Variants in ZFHX2 observed in about 807,000 individuals in gnomAD.
The protein encoded by ZFHX2 is zinc finger homeobox protein 2.
In ZFHX2, 75 loss-of-function variants were observed where a neutral mutation model predicts 164.8. That is an observed-to-expected ratio of 0.46 (90% CI 0.38 to 0.55). The LOEUF is 0.55. ZFHX2 is among the 20% of genes least tolerant of loss of function. ZFHX2 has a pLI of 0.00. For missense variants in ZFHX2, 2,933 were observed against 3,308.0 expected (o/e 0.89, Z 2.78); for synonymous variants, 1,217 against 1,351.4 (o/e 0.90, Z 2.18).
intron 1 of ZFHX2, among the ~76,000 whole-genome samples, chr14:23,550,867 C>T (rs549127395): frequency 1.3e-5 from 2 of 152,214 alleles, no homozygotes; most frequent in East Asian, 3.9e-4. Flanking sequence ...ATCAGCCCGC[C>T]GGCCGCGGTT....
rs1239266123 is a variant in ZFHX2, at chr14:23,523,183, C to T, written c.6739+20G>A. 5 of 1,413,208 alleles carry T rather than the reference C, an allele frequency of 3.5e-6. No homozygotes were observed. The African/African-American group carries it at 4.3e-5, about 12-fold the overall frequency. 87.5% of individuals were successfully genotyped at this position (1,413,208 alleles called of 1,614,324 possible). ...GGGGATGTTCTCTGAAGTCCAGCTC[C>T]TCCCAGCCTCCCTACTCACCTGAAT... On this transcript the variant is annotated intron_variant, in intron 9 of 9. Transcript: ENST00000419474. The surrounding 1 kb of genome is among the most constrained non-coding windows in gnomAD (Gnocchi z 4.1).
At chr14:23,538,394 A>G (rs964352247) in intron 1 of ZFHX2, among the ~76,000 whole-genome samples, 1 of 148,152 alleles carries the variant, frequency 6.7e-6, no homozygotes, top group African/African-American at 2.5e-5. Context: ...CTTTAGCTGC[A>G]GCGATTATTT....
chr14:23,526,805 C>T (rs529554304), intron 8 of ZFHX2, 42 bp downstream of exon 8: 1 of 1,523,388 alleles, frequency 6.6e-7, no homozygotes, highest in East Asian at 2.5e-5. Context: ...CATGGAGTCC[C>T]CTTTCCTGGT....
chr14:23,521,698 T>C lies in ZFHX2; in HGVS notation c.*264A>G, dbSNP rs1878015392. ...AATAATCAGGGTGCCAAGATGGGTG[T>C]ATGTGTCTGTGAAGATGGGCAAGGG... is the stretch of plus-strand genomic sequence containing the variant. On this transcript the variant is annotated 3_prime_UTR_variant, in exon 10 of 10. Transcript: ENST00000419474. The C allele has an allele frequency of 2.0e-6, 1 of 500,378 alleles. No homozygotes were observed. Among genetic ancestry groups the C allele is most frequent in the African/African-American group, 2.0e-5 (1 of 51,258 alleles). 31.0% of individuals were successfully genotyped at this position (500,378 alleles called of 1,614,324 possible).
At chr14:23,538,419 C>T (rs1378852715) in intron 1 of ZFHX2, among the ~76,000 whole-genome samples, 1 of 151,250 alleles carries the variant, frequency 6.6e-6, no homozygotes, top group Non-Finnish European at 1.5e-5. Context: ...GCTTTTTTTC[C>T]CCTCATTGCA....
chr14:23,539,130 T>C (rs1880514296), intron 1 of ZFHX2, among the ~76,000 whole-genome samples: 1 of 152,102 alleles, frequency 6.6e-6, no homozygotes, highest in Non-Finnish European at 1.5e-5. Context: ...CCTCCCCTAA[T>C]GCACTGTTTC....
At position 23,522,806 on chromosome 14, in the gene ZFHX2, C is replaced by T; in HGVS notation, c.6875G>A (p.Gly2292Asp). 1 of 1,536,048 alleles carries T rather than the reference C, an allele frequency of 6.5e-7. No homozygotes were observed. Among genetic ancestry groups the T allele is most frequent in the Non-Finnish European group, 8.7e-7 (1 of 1,146,734 alleles). The change falls in exon 10 of 10, where the codon GGC (glycine) becomes GAC (aspartate). Residue 2292 changes from glycine to aspartate, a missense_variant. Gly to Asp is a moderately conservative substitution (Grantham distance 94). Coordinates refer to ENST00000419474, the MANE Select transcript of ZFHX2 (RefSeq NM_033400.3). ...AGGGCCTGGGACAGGGTCAGTGGTG[C>T]CTGCTGTGGAGGTGTTGGTTTGGTC... ...MPDQTNTSTA[G>D]TTDPVPGPPT...
At position 23,533,118 on chromosome 14, in the gene ZFHX2, A is replaced by G. The variant is rs1474081039; in HGVS notation, c.2042-34T>C. The G allele has an allele frequency of 2.0e-6, 3 of 1,484,400 alleles. No homozygotes were observed. In the Admixed American group the frequency reaches 6.5e-5, roughly 32 times the overall value. 92.0% of individuals were successfully genotyped at this position (1,484,400 alleles called of 1,614,324 possible). A position where few individuals can be genotyped will look rare whatever the true frequency, so the allele number is the denominator to read the frequency against. On this transcript the variant is annotated intron_variant, in intron 2 of 9. Coordinates refer to ENST00000419474, the MANE Select transcript of ZFHX2 (RefSeq NM_033400.3). The surrounding 1 kb of genome is among the most constrained non-coding windows in gnomAD (Gnocchi z 4.8). ...CAGAGACAGATTAGTGGCCCAAGAA[A>G]GAAATGGGGCACGGTTGGTTCTCTA...
rs1878565825 is a variant in ZFHX2, at chr14:23,525,341, G to A, written c.4601C>T (p.Pro1534Leu). The A allele has an allele frequency of 6.5e-7, 1 of 1,536,016 alleles. No individual in the cohort carries two copies. The highest frequency in any genetic ancestry group is 8.7e-7 in the Non-Finnish European group (1 of 1,146,922). ...ATCCAGAGACCCATCAGGAGGTTTG[G>A]GAGGCTCTGCAAGGGGCGGGTATAG... is the stretch of plus-strand genomic sequence containing the variant. ...DSLYPPLAEP[P>L]KPPDGSLDSP... Residue 1534 changes from proline (P) to leucine (L), a missense_variant, in exon 9 of 10, where the codon CCC becomes CTC. Pro to Leu is a moderately conservative substitution (Grantham distance 98, BLOSUM62 -3). Transcript: ENST00000419474. The surrounding 1 kb of genome is among the most constrained non-coding windows in gnomAD (Gnocchi z 5.9).
At chr14:23,547,788 C>A (rs962613243) in intron 1 of ZFHX2, among the ~76,000 whole-genome samples, 1 of 152,166 alleles carries the variant, frequency 6.6e-6, no homozygotes, top group Non-Finnish European at 1.5e-5. Context: ...ACTAATTCAA[C>A]GTTTGATCAG....
chr14:23,521,874 G>T lies in ZFHX2; in HGVS notation c.*88C>A. 4 of 1,505,462 alleles carry T rather than the reference G, an allele frequency of 2.7e-6. No homozygotes were observed. Among genetic ancestry groups the T allele is most frequent in the Non-Finnish European group, 2.6e-6 (3 of 1,132,520 alleles). The allele number at this position is 1,505,462 out of a possible 1,614,324, so 93.3% of individuals were successfully genotyped here. A position where few individuals can be genotyped will look rare whatever the true frequency, so the allele number is the denominator to read the frequency against. On this transcript the variant is annotated 3_prime_UTR_variant, in exon 10 of 10. Coordinates refer to ENST00000419474, the MANE Select transcript of ZFHX2 (RefSeq NM_033400.3). ...GAGGTGGGCGGGGCCAGGGGGTGGG[G>T]TGAGGGATTTGAGCTCCCACCGAAC...
In ZFHX2 at chr14:23,534,080, G is replaced by A. The variant is rs753698595; in HGVS notation, c.1246C>T (p.Pro416Ser). ...TCATCAGCTAGGCGATAGGGCTGGG[G>A]TGGGTCACTGGGGTCTTCGGGGGAG... is the stretch of plus-strand genomic sequence containing the variant. ...VGSPEDPSDPPQPYRLADDYT... is the reference protein window; with the variant it reads ...VGSPEDPSDPSQPYRLADDYT... The change falls in exon 2 of 10, where the codon CCC becomes TCC. Residue 416 changes from proline to serine, a missense_variant. By Grantham distance (74) the Pro-to-Ser change is moderately conservative. Transcript: ENST00000419474. This position sits in a 1 kb window ranked among gnomAD's most constrained non-coding sequence, Gnocchi z 4.5. The A allele has an allele frequency of 1.3e-6, 2 of 1,516,038 alleles. No homozygotes were observed. Among genetic ancestry groups the A allele is most frequent in the Non-Finnish European group, 1.8e-6 (2 of 1,135,470 alleles). 93.9% of individuals were successfully genotyped at this position (1,516,038 alleles called of 1,614,324 possible).
Position 23,521,779 on chromosome 14 carries a change from G to A in ZFHX2, c.*183C>T. On this transcript the variant is annotated 3_prime_UTR_variant, in exon 10 of 10. Coordinates refer to ENST00000419474, the MANE Select transcript of ZFHX2 (RefSeq NM_033400.3). ...CAATGTGTGTGTCTGTGGGGATTGG[G>A]AGGAGGCAGGACTCTGCTGGAAGTG... The A allele has an allele frequency of 9.4e-7, 1 of 1,068,592 alleles. No homozygotes were observed. The highest frequency in any genetic ancestry group is 1.7e-5 in the South Asian group (1 of 58,730). The allele number at this position is 1,068,592 out of a possible 1,614,324, so 66.2% of individuals were successfully genotyped here.
rs1878613557 is a variant in ZFHX2 at position 23,525,723 on chromosome 14, C to T, written c.4219G>A (p.Glu1407Lys). Residue 1407 changes from glutamate (E) to lysine (K), a missense_variant, in exon 9 of 10, where the codon GAG (glutamate) becomes AAG (lysine). Physicochemically the swap from Glu to Lys is moderately conservative, Grantham distance 56. Coordinates refer to ENST00000419474, the MANE Select transcript of ZFHX2 (RefSeq NM_033400.3). This position sits in a 1 kb window ranked among gnomAD's most constrained non-coding sequence, Gnocchi z 5.9. ...ATGGGGGGCCGCTCCCACTCCCGCT[C>T]AGCCAGCTCAGCCTTGGGAGGTTGG... is the stretch of plus-strand genomic sequence containing the variant. The part of the protein sequence containing the change: ...PPQPPKAELA[E>K]REWERPPMAK... The T allele has an allele frequency of 4.0e-6, 6 of 1,515,316 alleles. No individual in the cohort carries two copies. The highest frequency in any genetic ancestry group is 5.3e-6 in the Non-Finnish European group (6 of 1,135,608). 93.9% of individuals were successfully genotyped at this position (1,515,316 alleles called of 1,614,324 possible).
rs745418457 is a variant in ZFHX2 at position 23,524,913 on chromosome 14, C to A, written c.5029G>T (p.Ala1677Ser). Residue 1677 changes from alanine (A) to serine (S), a missense_variant, in exon 9 of 10, where the codon GCC (alanine) becomes TCC (serine). Physicochemically the swap from Ala to Ser is moderately conservative, Grantham distance 99. Transcript: ENST00000419474. The surrounding 1 kb of genome is among the most constrained non-coding windows in gnomAD (Gnocchi z 5.6). ...GGASGCRRCH[A>S]TFSCVFELVR... ...AACTCAAAAACACAGGAGAAAGTGGCGTGGCAACGCCTGCAGCCGGAGGCT... is the reference window on the plus strand; with the variant it reads ...AACTCAAAAACACAGGAGAAAGTGGAGTGGCAACGCCTGCAGCCGGAGGCT... 2 of 1,536,164 alleles carry A rather than the reference C, an allele frequency of 1.3e-6. No homozygotes were observed. Among genetic ancestry groups the A allele is most frequent in the Admixed American group, 2.0e-5 (1 of 50,982 alleles).
chr14:23,530,101 G>T lies in ZFHX2; in HGVS notation c.2875+19C>A. ...TCTCAGAAGGTAGGAGGACTGGGGG[G>T]AAGGGAGGGAAAACTCACCCAATTG... On this transcript the variant is annotated intron_variant, in intron 5 of 9. Coordinates refer to ENST00000419474, the MANE Select transcript of ZFHX2 (RefSeq NM_033400.3). 1 of 1,533,752 alleles carries T rather than the reference G, an allele frequency of 6.5e-7. No individual in the cohort carries two copies. The highest frequency in any genetic ancestry group is 8.7e-7 in the Non-Finnish European group (1 of 1,144,762).
chr14:23,526,936 A>C lies in ZFHX2; in HGVS notation c.3173T>G (p.Leu1058Arg). The change falls in exon 8 of 10, where the codon CTG (leucine) becomes CGG (arginine). Residue 1058 changes from leucine (L) to arginine (R), a missense_variant. Leu to Arg is a moderately radical substitution (Grantham distance 102). Coordinates refer to ENST00000419474, the MANE Select transcript of ZFHX2 (RefSeq NM_033400.3). ...TVEMTFTTKV[L>R]SAPTLSPLDN... is the part of the protein sequence containing the mutation. ...CAGAGGGCTTAATGTGGGTGCAGACAGCACTTTGGTTGTAAATGTCATTTC... is the reference window on the plus strand; with the variant it reads ...CAGAGGGCTTAATGTGGGTGCAGACCGCACTTTGGTTGTAAATGTCATTTC... 6.5e-7 allele frequency: 1 copy of C among 1,530,850 alleles called. No individual in the cohort carries two copies. Among genetic ancestry groups the C allele is most frequent in the Non-Finnish European group, 8.7e-7 (1 of 1,145,012 alleles). The allele number at this position is 1,530,850 out of a possible 1,614,324, so 94.8% of individuals were successfully genotyped here.
chr14:23,526,935 C>G lies in ZFHX2; in HGVS notation c.3174G>C (p.Leu1058=). Residue 1058 remains leucine (L), a synonymous_variant, in exon 8 of 10, where the codon CTG becomes CTC. Coordinates refer to ENST00000419474, the MANE Select transcript of ZFHX2 (RefSeq NM_033400.3). The stretch of plus-strand genomic sequence containing the variant: ...CCAGAGGGCTTAATGTGGGTGCAGA[C>G]AGCACTTTGGTTGTAAATGTCATTT... ...TVEMTFTTKV[L]SAPTLSPLDN... The G allele has an allele frequency of 6.5e-7, 1 of 1,530,980 alleles. No homozygotes were observed. Among genetic ancestry groups the G allele is most frequent in the South Asian group, 1.2e-5 (1 of 83,206 alleles). The allele number at this position is 1,530,980 out of a possible 1,614,324, so 94.8% of individuals were successfully genotyped here. A position where few individuals can be genotyped will look rare whatever the true frequency, so the allele number is the denominator to read the frequency against.
Position 23,530,209 on chromosome 14 carries a change from G to A in ZFHX2, c.2801-15C>T. On this transcript the variant is annotated splice_polypyrimidine_tract_variant and intron_variant, in intron 4 of 9. Transcript: ENST00000419474. ...AGGAGCCTTCCCTGTGTAGGATGGG[G>A]GGAGAGTCAGCTTAAAGAGGTGTGG... is the stretch of plus-strand genomic sequence containing the variant. 6.6e-7 allele frequency: 1 copy of A among 1,519,830 alleles called. No individual in the cohort carries two copies. The highest frequency in any genetic ancestry group is 8.8e-7 in the Non-Finnish European group (1 of 1,132,328). The allele number at this position is 1,519,830 out of a possible 1,614,324, so 94.1% of individuals were successfully genotyped here. A position where few individuals can be genotyped will look rare whatever the true frequency, so the allele number is the denominator to read the frequency against.
Sources: allele counts gnomAD v4.1 joint callset (sites outside exome capture counted in the v4.1 genomes callset), GRCh38; gene constraint gnomAD v4.1.1; non-coding constraint Gnocchi (gnomAD v3.1); transcripts MANE v1.5; gene names NCBI Gene and HGNC (gene_info 2026-07-23, HGNC 2026-07-21).